The following ZMIZ1 variants were observed in gnomAD, a reference collection of about 807,000 sequenced individuals.
ZMIZ1 encodes zinc finger MIZ-type containing 1, also known as zinc finger MIZ domain-containing protein 1.
ZMIZ1 carries 17 observed loss-of-function variants against 113.9 expected under a neutral mutation model. The observed-to-expected ratio is 0.15, with a 90% CI of 0.10 to 0.22. The LOEUF is 0.22. ZMIZ1 is among the 10% of genes least tolerant of loss of function. ZMIZ1 has a pLI of 1.00. For missense variants in ZMIZ1, 1,059 were observed against 1,477.8 expected, an observed-to-expected ratio of 0.72 and a Z score of 4.65; for synonymous variants, 607 against 603.1, an observed-to-expected ratio of 1.01 and a Z score of -0.09.
intron 4 of ZMIZ1, among the ~76,000 whole-genome samples, chr10:79,187,158 G>A (rs1487502720): frequency 6.6e-6 from 1 of 152,216 alleles, no homozygotes; most frequent in Non-Finnish European, 1.5e-5. Context: ...TCCTGCAAGA[G>A]TGTTAAAGCT....
rs778701078 is a variant in ZMIZ1 at position 79,297,636 on chromosome 10, T to C, written c.1437T>C (p.Asn479=). ...YYKPEQFNGQ[N]NTFSGSSYSN... ...AGCCAGAACAGTTTAATGGACAAAATAACACGTTCTCGGGAAGCAGCTACA... is the reference window on the plus strand; with the variant it reads ...AGCCAGAACAGTTTAATGGACAAAACAACACGTTCTCGGGAAGCAGCTACA... Residue 479 remains asparagine, a synonymous_variant, in exon 14 of 25, where the codon AAT becomes AAC. Coordinates refer to ENST00000334512, the MANE Select transcript of ZMIZ1 (RefSeq NM_020338.4). 6.2e-7 allele frequency: 1 copy of C among 1,614,000 alleles called. No homozygotes were observed. The highest frequency in any genetic ancestry group is 8.5e-7 in the Non-Finnish European group (1 of 1,179,998).
Position 79,305,393 on chromosome 10 carries a change from C to T in ZMIZ1, c.2355-140C>T, listed in dbSNP as rs377123247. 31 of 1,194,648 alleles carry T rather than the reference C, an allele frequency of 2.6e-5. No homozygotes were observed. In the African/African-American group the frequency reaches 3.4e-4, roughly 13 times the overall value. The allele number at this position is 1,194,648 out of a possible 1,614,324, so 74.0% of individuals were successfully genotyped here. A position where few individuals can be genotyped will look rare whatever the true frequency, so the allele number is the denominator to read the frequency against. ...CTCCAGGTGGTCCCTTGGTATCACG[C>T]GGTCAGAGTCCCCCTCTCTTGTGCC... On this transcript the variant is annotated intron_variant, in intron 20 of 24. Coordinates refer to ENST00000334512, the MANE Select transcript of ZMIZ1 (RefSeq NM_020338.4).
Position 79,316,224 on chromosome 10 carries a change from C to T in ZMIZ1, c.*3475C>T, listed in dbSNP as rs909185878. 3 of 152,596 alleles carry T rather than the reference C, an allele frequency of 2.0e-5. No homozygotes were observed. Among genetic ancestry groups the T allele is most frequent in the East Asian group, 1.9e-4 (1 of 5,344 alleles). The allele number at this position is 152,596 out of a possible 1,614,324, so 9.5% of individuals were successfully genotyped here. A position where few individuals can be genotyped will look rare whatever the true frequency, so the allele number is the denominator to read the frequency against. On this transcript the variant is annotated 3_prime_UTR_variant, in exon 25 of 25. Coordinates refer to ENST00000334512, the MANE Select transcript of ZMIZ1 (RefSeq NM_020338.4). ...AAGTAACTCCCACAGAAACCATCATCGTCTTTGTACATCGTATGTACAATG... is the reference window on the plus strand; with the variant it reads ...AAGTAACTCCCACAGAAACCATCATTGTCTTTGTACATCGTATGTACAATG...
chr10:79,164,545 G>A (rs906460345), intron 4 of ZMIZ1, among the ~76,000 whole-genome samples: 2 of 152,140 alleles, frequency 1.3e-5, no homozygotes, highest in Non-Finnish European at 2.9e-5. Context: ...TCAGGGTGAT[G>A]GGCCAGTTCT....
intron 7 of ZMIZ1, among the ~76,000 whole-genome samples, chr10:79,259,548 A>G (rs1284158947): frequency 1.3e-5 from 2 of 152,006 alleles, no homozygotes; most frequent in East Asian, 3.9e-4. Flanking sequence ...AGTTTCCCTA[A>G]TGCTTAGTGC....
chr10:79,076,692 G>C (rs1842486266), intron 1 of ZMIZ1, among the ~76,000 whole-genome samples: 1 of 152,092 alleles, frequency 6.6e-6, no homozygotes, highest in African/African-American at 2.4e-5. Flanking sequence ...AAATTATCTC[G>C]GCATGATGGT....
intron 2 of ZMIZ1, among the ~76,000 whole-genome samples, chr10:79,124,083 C>T (rs373314520): frequency 8.4e-4 from 128 of 152,338 alleles, no homozygotes; most frequent in African/African-American, 3.0e-3. Flanking sequence ...CTTATTCCTG[C>T]CCAAGGTAGG....
At chr10:79,289,698 G>A in intron 8 of ZMIZ1, 77 bp from the exon 9 acceptor site, 1 of 1,365,580 alleles carries the variant, frequency 7.3e-7, no homozygotes, top group Non-Finnish European at 1.0e-6. Flanking sequence ...GCGGTCACTT[G>A]GTGGGGTGAT....
intron 3 of ZMIZ1, among the ~76,000 whole-genome samples, chr10:79,154,445 G>A (rs147802621): frequency 4.0e-5 from 6 of 151,060 alleles, no homozygotes; most frequent in Non-Finnish European, 8.8e-5. Flanking sequence ...AGTGGGCAGA[G>A]GCAAGAGGCA....
chr10:79,309,025 C>A (rs950726665), intron 23 of ZMIZ1, among the ~76,000 whole-genome samples: 1 of 152,190 alleles, frequency 6.6e-6, no homozygotes, highest in African/African-American at 2.4e-5. Flanking sequence ...GCAAGCAGAC[C>A]TGGAAGTGCG....
At chr10:79,209,086 G>C (rs375245351) in intron 6 of ZMIZ1, among the ~76,000 whole-genome samples, 1 of 152,088 alleles carries the variant, frequency 6.6e-6, no homozygotes, top group Admixed American at 6.6e-5. Context: ...GCTGGGTGGC[G>C]GGGCAGGGTG....
At chr10:79,193,965 A>T (rs1847720790) in intron 4 of ZMIZ1, among the ~76,000 whole-genome samples, 1 of 152,224 alleles carries the variant, frequency 6.6e-6, no homozygotes, top group Non-Finnish European at 1.5e-5. Context: ...CCCAGGGCTC[A>T]TGAAGTTTGT....
intron 1 of ZMIZ1, among the ~76,000 whole-genome samples, chr10:79,109,380 C>A (rs745310744): frequency 6.6e-6 from 1 of 152,148 alleles, no homozygotes; most frequent in African/African-American, 2.4e-5. Context: ...CGGTGCCCAG[C>A]GTGGCTGGGC....
intron 1 of ZMIZ1, among the ~76,000 whole-genome samples, chr10:79,116,753 A>G (rs1167809527): frequency 6.6e-6 from 1 of 152,236 alleles, no homozygotes; most frequent in African/African-American, 2.4e-5. Flanking sequence ...TGAAGGGCAC[A>G]TGCTTCTGTA....
chr10:79,077,492 G>A, intron 1 of ZMIZ1, among the ~76,000 whole-genome samples: 1 of 152,052 alleles, frequency 6.6e-6, no homozygotes, highest in East Asian at 1.9e-4. Flanking sequence ...TGGTCTGGGT[G>A]GGGAGGGGTG....
chr10:79,308,158 G>A (rs1854859627), intron 23 of ZMIZ1, among the ~76,000 whole-genome samples: 1 of 152,226 alleles, frequency 6.6e-6, no homozygotes, highest in South Asian at 2.1e-4. Flanking sequence ...TGTGGCCCCA[G>A]TGGCAGTGGC....
At chr10:79,276,820 A>G (rs149135346) in intron 7 of ZMIZ1, among the ~76,000 whole-genome samples, 196 of 152,078 alleles carry the variant, frequency 1.3e-3, no homozygotes, top group Non-Finnish European at 2.1e-3. Flanking sequence ...GCCCTGACTC[A>G]AGGTCTGTGT....
chr10:79,258,467 CAT>C (rs1387515406), intron 7 of ZMIZ1, among the ~76,000 whole-genome samples: 3 of 152,260 alleles, frequency 2.0e-5, no homozygotes, highest in Non-Finnish European at 4.4e-5. Context: ...ACTGGCCACA[CAT>C]GTGCAGTAGC....
intron 7 of ZMIZ1, among the ~76,000 whole-genome samples, chr10:79,233,219 C>T (rs1849465078): frequency 6.6e-6 from 1 of 152,266 alleles, no homozygotes; most frequent in African/African-American, 2.4e-5. Flanking sequence ...ATACTGCCTG[C>T]ATCCTGCATC....
Sources: allele counts gnomAD v4.1 joint callset (sites outside exome capture counted in the v4.1 genomes callset), GRCh38; gene constraint gnomAD v4.1.1; transcripts MANE v1.5; gene names NCBI Gene and HGNC (gene_info 2026-07-23, HGNC 2026-07-21).